The following SEZ6L variants were observed in gnomAD, a reference collection of about 807,000 sequenced individuals.
SEZ6L encodes seizure related 6 homolog like.
Under a neutral mutation model 106.2 loss-of-function variants are expected in SEZ6L, and 37 were observed. The observed-to-expected ratio is 0.35, with a 90% CI of 0.27 to 0.46. The LOEUF is 0.46. SEZ6L is among the 20% of genes least tolerant of loss of function. SEZ6L has a pLI of 1.00. For synonymous variants in SEZ6L, 541 were observed against 570.4 expected (o/e 0.95, Z 0.73); for missense variants, 1,172 against 1,332.8 (o/e 0.88, Z 1.88).
At chr22:26,350,775 G>A (rs774291053) in intron 11 of SEZ6L, among the ~76,000 whole-genome samples, 28 of 151,042 alleles carry the variant, frequency 1.9e-4, no homozygotes, top group South Asian at 4.2e-4. Flanking sequence ...TCCTGCTTCA[G>A]CCTCCCGAGT....
At chr22:26,294,477 C>G (rs1338944965) in intron 3 of SEZ6L, 52 bp downstream of exon 3, 8 of 1,582,242 alleles carry the variant, frequency 5.1e-6, no homozygotes, top group Admixed American at 3.4e-5. Flanking sequence ...CAGGAAGTCT[C>G]AGGAGGATTG....
At chr22:26,233,945 C>T (rs779736815) in intron 1 of SEZ6L, among the ~76,000 whole-genome samples, 3 of 152,100 alleles carry the variant, frequency 2.0e-5, no homozygotes, top group South Asian at 2.1e-4. Context: ...GATGGAGGAC[C>T]GGGCTCACCC....
At chr22:26,320,694 G>T (rs543342576) in intron 9 of SEZ6L, among the ~76,000 whole-genome samples, 125 of 152,320 alleles carry the variant, frequency 8.2e-4, no homozygotes, top group Non-Finnish European at 1.5e-3. Context: ...GGCCCAGAGC[G>T]AGGGAAGGTG....
Position 26,310,752 on chromosome 22 carries a change from C to G in SEZ6L, c.1597C>G (p.Leu533Val). 1 of 1,614,188 alleles carries G rather than the reference C, an allele frequency of 6.2e-7. No homozygotes were observed. The highest frequency in any genetic ancestry group is 1.1e-5 in the South Asian group (1 of 91,070). The stretch of plus-strand genomic sequence containing the variant: ...AACCGAGAGTGTCCCTTTTGAGGGC[C>G]TGCTGAGCGAAGGCAACACCATCCG... Reference protein sequence around the residue: ...LQTESVPFEGLLSEGNTIRIE... With the variant: ...LQTESVPFEGVLSEGNTIRIE... Residue 533 changes from leucine (L) to valine (V), a missense_variant, in exon 7 of 17, where the codon CTG becomes GTG. Physicochemically the swap from Leu to Val is conservative, Grantham distance 32. This residue lies in a region of SEZ6L where 534 missense variants were observed against 691.0 expected (regional missense o/e 0.77). Coordinates refer to ENST00000248933, the MANE Select transcript of SEZ6L (RefSeq NM_021115.5).
At chr22:26,281,860 T>G (rs2080781349) in intron 1 of SEZ6L, among the ~76,000 whole-genome samples, 1 of 152,220 alleles carries the variant, frequency 6.6e-6, no homozygotes, top group South Asian at 2.1e-4. Context: ...ACCTTTTGGA[T>G]TCCACCACAT....
At chr22:26,333,248 C>T (rs775326894) in intron 9 of SEZ6L, among the ~76,000 whole-genome samples, 9 of 152,306 alleles carry the variant, frequency 5.9e-5, no homozygotes, top group Non-Finnish European at 7.3e-5. Flanking sequence ...GACAAGCCAG[C>T]GGGTTGGCTT....
chr22:26,292,320 C>T (rs1031243644), intron 1 of SEZ6L, 86 bp from the exon 2 acceptor site: 1 of 1,126,622 alleles, frequency 8.9e-7, no homozygotes, highest in South Asian at 1.5e-5. Flanking sequence ...GGGCACCGCC[C>T]TTAGGAGGGC....
intron 9 of SEZ6L, among the ~76,000 whole-genome samples, chr22:26,326,525 A>G (rs573609054): frequency 1.5e-4 from 23 of 152,228 alleles, no homozygotes; most frequent in African/African-American, 5.5e-4. Flanking sequence ...TTAATTCTCA[A>G]AGCAACCTAG....
intron 1 of SEZ6L, among the ~76,000 whole-genome samples, chr22:26,259,384 G>A (rs970945342): frequency 6.6e-5 from 10 of 152,186 alleles, no homozygotes; most frequent in African/African-American, 2.4e-4. Flanking sequence ...AGGGCAATCT[G>A]AGGAGGAGAG....
chr22:26,180,300 G>A (rs1415952128), intron 1 of SEZ6L, among the ~76,000 whole-genome samples: 1 of 152,152 alleles, frequency 6.6e-6, no homozygotes, highest in African/African-American at 2.4e-5. Context: ...TCAAGATGTG[G>A]CCTGTCTGAT....
chr22:26,265,705 G>A (rs1367605903), intron 1 of SEZ6L, among the ~76,000 whole-genome samples: 1 of 152,170 alleles, frequency 6.6e-6, no homozygotes, highest in African/African-American at 2.4e-5. Flanking sequence ...AGGGCACTGG[G>A]AACTCTGAGT....
chr22:26,210,019 T>C (rs1164448168), intron 1 of SEZ6L, among the ~76,000 whole-genome samples: 1 of 141,732 alleles, frequency 7.1e-6, no homozygotes, highest in African/African-American at 2.6e-5. Flanking sequence ...GATGGGTCAA[T>C]GAAAAAAAAT....
chr22:26,243,339 G>T (rs571003921), intron 1 of SEZ6L, among the ~76,000 whole-genome samples: 1 of 152,314 alleles, frequency 6.6e-6, no homozygotes, highest in East Asian at 1.9e-4. Context: ...GTGAAGCAGG[G>T]TTAAGGAGGA....
At chr22:26,243,470 G>A (rs1434835906) in intron 1 of SEZ6L, among the ~76,000 whole-genome samples, 1 of 152,230 alleles carries the variant, frequency 6.6e-6, no homozygotes, top group East Asian at 1.9e-4. Context: ...GACAGAGCAT[G>A]TGCAAAGGCC....
chr22:26,191,393 T>C (rs1378906882), intron 1 of SEZ6L, among the ~76,000 whole-genome samples: 4 of 152,230 alleles, frequency 2.6e-5, no homozygotes, highest in Non-Finnish European at 5.9e-5. Context: ...CACCATGGAA[T>C]ACTATGCAGC....
chr22:26,271,198 C>T (rs535780212), intron 1 of SEZ6L, among the ~76,000 whole-genome samples: 21 of 152,254 alleles, frequency 1.4e-4, no homozygotes, highest in Non-Finnish European at 1.8e-4. Context: ...CGTAATTATT[C>T]GTAGTATGTA....
intron 1 of SEZ6L, among the ~76,000 whole-genome samples, chr22:26,211,174 G>A (rs960734258): frequency 2.0e-5 from 3 of 152,146 alleles, no homozygotes; most frequent in South Asian, 2.1e-4. Flanking sequence ...GGAGCCAACC[G>A]GGTCTGTACT....
intron 1 of SEZ6L, among the ~76,000 whole-genome samples, chr22:26,170,964 C>A (rs186172038): frequency 1.1e-3 from 174 of 152,326 alleles, no homozygotes; most frequent in Non-Finnish European, 2.1e-3. Context: ...CCAGCGCGCG[C>A]ACCTGCTTTC....
rs146417984 is a variant in SEZ6L at position 26,185,230 on chromosome 22, T to C, written c.94+15467T>C. ...AGAGCATCTAGAATCTCAAAGAGAA[T>C]GGGAATCCCTCTGTCACACTGCCCT... On this transcript the variant is annotated intron_variant, in intron 1 of 16. Transcript: ENST00000248933. 3.2e-3 allele frequency among the ~76,000 whole-genome samples: 486 copies of C among 152,344 alleles called. 2 individuals are homozygous for C. The highest frequency in any genetic ancestry group is 5.2e-3 in the Non-Finnish European group (355 of 68,038).
Sources: gnomAD v4.1 joint callset for allele counts (sites outside exome capture counted in the v4.1 genomes callset) on GRCh38, gnomAD v4.1.1 for gene constraint, gnomAD v4.1.1 regional missense constraint, MANE v1.5 for transcripts, NCBI Gene and HGNC (gene_info 2026-07-23, HGNC 2026-07-21) for gene names.